Variants in CAPN9 observed in about 807,000 individuals in gnomAD.
CAPN9 encodes calpain-9.
Under a neutral mutation model 92.8 loss-of-function variants are expected in CAPN9, and 81 were observed. The observed-to-expected ratio is 0.87, with a 90% CI of 0.73 to 1.05. The LOEUF is 1.05. CAPN9 is among the 50% of genes least tolerant of loss of function. The pLI, the probability that CAPN9 is intolerant of heterozygous loss-of-function variation, is 0.00. For missense variants in CAPN9, 848 were observed against 866.2 expected, an observed-to-expected ratio of 0.98 and a Z score of 0.26; for synonymous variants, 304 against 328.0, an observed-to-expected ratio of 0.93 and a Z score of 0.79.
intron 17 of CAPN9, 50 bp from the exon 18 acceptor site, chr1:230,795,113 C>A: frequency 8.2e-7 from 1 of 1,214,562 alleles, no homozygotes; most frequent in Non-Finnish European, 1.2e-6. Context: ...GCAGACTCAC[C>A]TCGGGGCTCG....
intron 4 of CAPN9, 61 bp downstream of exon 4, chr1:230,762,847 G>C: frequency 6.5e-7 from 1 of 1,535,470 alleles, no homozygotes; most frequent in South Asian, 1.2e-5. Context: ...ACTAGTCTTT[G>C]TAGTGAGCAT....
chr1:230,774,735 CTTTCTTTTTT>C (rs1029123176), intron 8 of CAPN9, 104 bp downstream of exon 8: 116 of 589,922 alleles, frequency 2.0e-4, no homozygotes, highest in Middle Eastern at 4.3e-4. Context: ...TTCTTTCTTT[CTTTCTTTTTT>C]TTTTTTTTTT....
intron 1 of CAPN9, among the ~76,000 whole-genome samples, chr1:230,754,959 A>C (rs1246226270): frequency 6.6e-6 from 1 of 152,320 alleles, no homozygotes; most frequent in East Asian, 1.9e-4. Context: ...AAGCCCACAG[A>C]GGTCACAGAG....
chr1:230,755,960 T>A (rs1351313586), intron 2 of CAPN9, among the ~76,000 whole-genome samples: 1 of 152,154 alleles, frequency 6.6e-6, no homozygotes, highest in Admixed American at 6.5e-5. Flanking sequence ...GTCTCCCTCC[T>A]GCAATGAACC....
At position 230,800,456 on chromosome 1, in the gene CAPN9, G is replaced by A. The variant is rs564593135; in HGVS notation, c.2047-1114G>A. Among the ~76,000 whole-genome samples, 180 of 152,178 alleles carry A rather than the reference G, an allele frequency of 1.2e-3. 1 individual carries two copies. The highest frequency in any genetic ancestry group is 4.2e-3 in the African/African-American group (175 of 41,518). On this transcript the variant is annotated intron_variant, in intron 19 of 19. Coordinates refer to ENST00000271971, the MANE Select transcript of CAPN9 (RefSeq NM_006615.3). ...CAGTGGGAAGGTTTGTTACTCAGCG[G>A]CCCCCTGGCTAGTCAAAGGCTCCAG...
chr1:230,749,041 T>C (rs1165750191), intron 1 of CAPN9, among the ~76,000 whole-genome samples: 1 of 152,090 alleles, frequency 6.6e-6, no homozygotes, highest in Non-Finnish European at 1.5e-5. Flanking sequence ...TAGGCGTGTA[T>C]GTGGGGGGTG....
intron 19 of CAPN9, among the ~76,000 whole-genome samples, chr1:230,800,105 G>A (rs1468574935): frequency 6.6e-6 from 1 of 151,858 alleles, no homozygotes. Flanking sequence ...ATGAACCCGG[G>A]AGGTGGAGCT....
In CAPN9 at chr1:230,772,047, C is replaced by A. The variant is rs559454208; in HGVS notation, c.823C>A (p.Arg275=). Residue 275 remains arginine, a synonymous_variant, in exon 7 of 20, where the codon CGA becomes AGA. Coordinates refer to ENST00000271971, the MANE Select transcript of CAPN9 (RefSeq NM_006615.3). ...SFRGQRIELI[R]IRNPWGQVEW... ...CCGAGGCCAGAGAATCGAGCTCATCCGAATCCGGAACCCTTGGGGCCAGGT... is the reference window on the plus strand; with the variant it reads ...CCGAGGCCAGAGAATCGAGCTCATCAGAATCCGGAACCCTTGGGGCCAGGT... The A allele has an allele frequency of 1.2e-6, 2 of 1,614,094 alleles. No individual in the cohort carries two copies. Among genetic ancestry groups the A allele is most frequent in the Admixed American group, 1.7e-5 (1 of 60,010 alleles).
chr1:230,763,949 C>T (rs1665803340), intron 4 of CAPN9, among the ~76,000 whole-genome samples: 1 of 152,164 alleles, frequency 6.6e-6, no homozygotes, highest in Non-Finnish European at 1.5e-5. Flanking sequence ...TTGGTGAGTG[C>T]CCCCCACATC....
intron 1 of CAPN9, among the ~76,000 whole-genome samples, chr1:230,754,567 C>A (rs1665098601): frequency 6.7e-6 from 1 of 149,190 alleles, no homozygotes; most frequent in African/African-American, 2.5e-5. Flanking sequence ...CTTGGGAATC[C>A]AAGGCGGGAG....
chr1:230,761,545 T>C (rs1212974141), intron 3 of CAPN9, among the ~76,000 whole-genome samples: 2 of 135,304 alleles, frequency 1.5e-5, no homozygotes, highest in Non-Finnish European at 3.1e-5. Context: ...GTGACAAGAA[T>C]CTTCCTTAAA....
chr1:230,771,893 A>G (rs1259821515), intron 6 of CAPN9, 121 bp from the exon 7 acceptor site: 7 of 777,670 alleles, frequency 9.0e-6, no homozygotes, highest in East Asian at 7.8e-5. Flanking sequence ...CATTTTAGGC[A>G]AGAGACTTTC....
At chr1:230,770,595 C>T (rs1486879795) in intron 6 of CAPN9, among the ~76,000 whole-genome samples, 2 of 152,162 alleles carry the variant, frequency 1.3e-5, no homozygotes, top group African/African-American at 4.8e-5. Context: ...AGACTCCACA[C>T]AGCACCACCC....
In CAPN9 at chr1:230,755,322, C is replaced by T. The variant is rs766152257; in HGVS notation, c.214-15C>T. 1 of 1,606,444 alleles carries T rather than the reference C, an allele frequency of 6.2e-7. No homozygotes were observed. Among genetic ancestry groups the T allele is most frequent in the Non-Finnish European group, 8.5e-7 (1 of 1,174,894 alleles). On this transcript the variant is annotated splice_polypyrimidine_tract_variant and intron_variant, in intron 1 of 19. Transcript: ENST00000271971. ...CATGGCAGGCCTCAGCCTAATAACA[C>T]TCTCATTCCTCCAGGAAATCGTGAA...
rs1666081152 is a variant in CAPN9, at chr1:230,767,718, C to T, written c.705+9C>T. 6.2e-7 allele frequency: 1 copy of T among 1,610,312 alleles called. No homozygotes were observed. The highest frequency in any genetic ancestry group is 2.2e-5 in the East Asian group (1 of 44,776). ...TGGGCTGCTTCATTGATGTAAGTTG[C>T]TCATGGGCTCCCATTCCAGGCACTA... On this transcript the variant is annotated intron_variant, in intron 5 of 19. Coordinates refer to ENST00000271971, the MANE Select transcript of CAPN9 (RefSeq NM_006615.3).
At chr1:230,781,292 C>T (rs1667209978) in intron 11 of CAPN9, among the ~76,000 whole-genome samples, 1 of 152,182 alleles carries the variant, frequency 6.6e-6, no homozygotes, top group South Asian at 2.1e-4. Context: ...GTCATGCTCA[C>T]AAGACATTCT....
chr1:230,772,086 T>G lies in CAPN9; in HGVS notation c.862T>G (p.Ser288Ala). The change falls in exon 7 of 20, where the codon TCG (serine) becomes GCG (alanine). Residue 288 changes from serine (S) to alanine (A), a missense_variant. Coordinates refer to ENST00000271971, the MANE Select transcript of CAPN9 (RefSeq NM_006615.3). ...TTGGGGCCAGGTTGAGTGGAACGGGTCGTGGAGCGACAGGTCAGTCACCCT... is the reference window on the plus strand; with the variant it reads ...TTGGGGCCAGGTTGAGTGGAACGGGGCGTGGAGCGACAGGTCAGTCACCCT... ...NPWGQVEWNG[S>A]WSDSSPEWRS... The G allele has an allele frequency of 1.2e-6, 2 of 1,614,122 alleles. No individual in the cohort carries two copies. Among genetic ancestry groups the G allele is most frequent in the Non-Finnish European group, 1.7e-6 (2 of 1,179,994 alleles).
At chr1:230,758,798 C>T (rs940528101) in intron 2 of CAPN9, among the ~76,000 whole-genome samples, 1 of 152,172 alleles carries the variant, frequency 6.6e-6, no homozygotes, top group Non-Finnish European at 1.5e-5. Context: ...CAGATATCTG[C>T]TTACACAGGC....
chr1:230,774,666 G>A lies in CAPN9; in HGVS notation c.953+35G>A, dbSNP rs372921428. On this transcript the variant is annotated intron_variant, in intron 8 of 19. Transcript: ENST00000271971. ...TTGTTCCTGTGTTAACTGCAGATAC[G>A]AGCAAGTCCCATGGCCCTGGGGCGT... 1.4e-3 allele frequency: 2,032 copies of A among 1,462,434 alleles called. 3 individuals carry two copies. The highest frequency in any genetic ancestry group is 2.4e-3 in the Middle Eastern group (14 of 5,772). The allele number at this position is 1,462,434 out of a possible 1,614,324, so 90.6% of individuals were successfully genotyped here.
Sources: allele counts gnomAD v4.1 joint callset (sites outside exome capture counted in the v4.1 genomes callset), GRCh38; gene constraint gnomAD v4.1.1; transcripts MANE v1.5; gene names NCBI Gene and HGNC (gene_info 2026-07-23, HGNC 2026-07-21).